The following LUZP2 variants were observed in gnomAD, a reference collection of about 807,000 sequenced individuals.
LUZP2 encodes leucine zipper protein 2.
Under a neutral mutation model 51.6 loss-of-function variants are expected in LUZP2, and 52 were observed. That is an observed-to-expected ratio of 1.01 (90% CI 0.81 to 1.27). The LOEUF is 1.27. Ranked by LOEUF, LUZP2 falls within the 50% of genes most tolerant of loss-of-function variation. The pLI is 0.00. For synonymous variants in LUZP2, 154 were observed against 137.3 expected, an observed-to-expected ratio of 1.12 and a Z score of -0.85; for missense variants, 436 against 395.4, an observed-to-expected ratio of 1.10 and a Z score of -0.87.
At chr11:24,708,305 T>C (rs1379498797) in intron 1 of LUZP2, among the ~76,000 whole-genome samples, 2 of 152,204 alleles carry the variant, frequency 1.3e-5, no homozygotes, top group Non-Finnish European at 1.5e-5. Context: ...TCAATGATAA[T>C]GCTTTATCAG....
At chr11:24,930,965 G>A (rs1854427136) in intron 7 of LUZP2, among the ~76,000 whole-genome samples, 1 of 151,992 alleles carries the variant, frequency 6.6e-6, no homozygotes, top group African/African-American at 2.4e-5. Flanking sequence ...TGTAATCCCA[G>A]CACTTTGGGA....
intron 5 of LUZP2, among the ~76,000 whole-genome samples, chr11:24,864,478 C>T (rs1486676): frequency 0.99 from 151,092 of 152,330 alleles, 74,938 homozygotes; most frequent in Middle Eastern, 1. Flanking sequence ...AGATTTGTTT[C>T]TAAGTTAATC....
At chr11:24,653,183 G>C (rs1855685971) in intron 1 of LUZP2, among the ~76,000 whole-genome samples, 1 of 152,140 alleles carries the variant, frequency 6.6e-6, no homozygotes, top group Non-Finnish European at 1.5e-5. Flanking sequence ...CAATATGACA[G>C]GCAAGAATAG....
chr11:24,927,639 T>C (rs975163689), intron 7 of LUZP2, among the ~76,000 whole-genome samples: 3 of 152,284 alleles, frequency 2.0e-5, no homozygotes, highest in African/African-American at 4.8e-5. Flanking sequence ...TTGGTGACTA[T>C]GGCCTTAGAG....
chr11:24,598,410 T>A (rs941567705), intron 1 of LUZP2, among the ~76,000 whole-genome samples: 5 of 152,090 alleles, frequency 3.3e-5, no homozygotes, highest in Non-Finnish European at 5.9e-5. Flanking sequence ...GTAGGAGAGT[T>A]TCCTAAAAGT....
At chr11:24,930,074 G>A (rs1377041062) in intron 7 of LUZP2, among the ~76,000 whole-genome samples, 1 of 152,124 alleles carries the variant, frequency 6.6e-6, no homozygotes, top group Non-Finnish European at 1.5e-5. Context: ...GTGTTCATTT[G>A]CATGAAATGT....
intron 1 of LUZP2, among the ~76,000 whole-genome samples, chr11:24,703,222 A>G (rs1264148659): frequency 6.6e-6 from 1 of 152,148 alleles, no homozygotes; most frequent in East Asian, 1.9e-4. Flanking sequence ...CCTCTGTATC[A>G]GTTAATAAGC....
chr11:25,050,385 TCCG>T (rs1431304901), intron 10 of LUZP2, among the ~76,000 whole-genome samples: 19 of 133,280 alleles, frequency 1.4e-4, no homozygotes, highest in East Asian at 4.9e-4. Context: ...CACTGCAAGC[TCCG>T]CCGCCTCCCG....
At chr11:24,661,174 A>G (rs1031248987) in intron 1 of LUZP2, among the ~76,000 whole-genome samples, 3 of 151,940 alleles carry the variant, frequency 2.0e-5, no homozygotes, top group African/African-American at 7.2e-5. Flanking sequence ...TTGAAACTTC[A>G]TGCTCTAATA....
chr11:24,617,105 T>C (rs1007696296), intron 1 of LUZP2, among the ~76,000 whole-genome samples: 3 of 152,226 alleles, frequency 2.0e-5, no homozygotes, highest in African/African-American at 7.2e-5. Context: ...AGATGTTTCA[T>C]CATATGCTCA....
chr11:24,864,835 T>C (rs189598540), intron 5 of LUZP2, among the ~76,000 whole-genome samples: 13 of 152,276 alleles, frequency 8.5e-5, no homozygotes, highest in African/African-American at 2.9e-4. Context: ...AATCTAAAAC[T>C]GGAGCTGCTT....
intron 1 of LUZP2, among the ~76,000 whole-genome samples, chr11:24,619,640 C>T (rs1005436816): frequency 6.6e-5 from 10 of 152,052 alleles, no homozygotes; most frequent in African/African-American, 9.7e-5. Context: ...GTTCCAGTAC[C>T]TTCCACAGAA....
chr11:24,974,998 G>C (rs1488089790), intron 7 of LUZP2, among the ~76,000 whole-genome samples: 1 of 152,018 alleles, frequency 6.6e-6, no homozygotes, highest in Non-Finnish European at 1.5e-5. Flanking sequence ...TGACTCTAGA[G>C]ATCCACCAGC....
intron 5 of LUZP2, among the ~76,000 whole-genome samples, chr11:24,794,423 CA>C (rs1590540687): frequency 1.3e-5 from 2 of 152,164 alleles, no homozygotes; most frequent in African/African-American, 4.8e-5. Flanking sequence ...TGGTGTCCAA[CA>C]GTGCGTATTT....
rs1277388215 is a variant in LUZP2 at position 24,922,825 on chromosome 11, C to CTTTTTTTT, written c.522+8291_522+8298dup. Among the ~76,000 whole-genome samples, 8 of 44,622 alleles carry CTTTTTTTT rather than the reference C, an allele frequency of 1.8e-4. 1 individual carries two copies. Among genetic ancestry groups the CTTTTTTTT allele is most frequent in the African/African-American group, 2.7e-4 (6 of 21,928 alleles). The allele number at this position is 44,622 out of a possible 152,430, so 29.3% of individuals were successfully genotyped here. The stretch of plus-strand genomic sequence containing the variant: ...GGACTACCAAGTGGCACAGTTATAT[C>CTTTTTTTT]TTTTTTTTTTTCTTTTTTTTTTTTT... On this transcript the variant is annotated intron_variant, in intron 7 of 11. Transcript: ENST00000336930.
At chr11:24,585,087 G>C (rs1286976387) in intron 1 of LUZP2, among the ~76,000 whole-genome samples, 3 of 152,134 alleles carry the variant, frequency 2.0e-5, no homozygotes, top group Admixed American at 6.5e-5. Context: ...TCTGTCTTCA[G>C]CACCTACATG....
chr11:24,848,500 C>T (rs1325225904), intron 5 of LUZP2, among the ~76,000 whole-genome samples: 1 of 152,126 alleles, frequency 6.6e-6, no homozygotes, highest in Non-Finnish European at 1.5e-5. Context: ...TCTTAGCTGC[C>T]AGTTTGCTAC....
chr11:24,556,231 T>C (rs189993627), intron 1 of LUZP2, among the ~76,000 whole-genome samples: 3 of 152,320 alleles, frequency 2.0e-5, no homozygotes, highest in Admixed American at 1.3e-4. Context: ...TCATTGTATA[T>C]ATGTTTTTAT....
At chr11:24,702,560 C>T (rs1857449080) in intron 1 of LUZP2, among the ~76,000 whole-genome samples, 1 of 152,068 alleles carries the variant, frequency 6.6e-6, no homozygotes, top group African/African-American at 2.4e-5. Flanking sequence ...GAGCAGGAAC[C>T]AGAGACAGAA....
Sources: allele counts gnomAD v4.1 joint callset (sites outside exome capture counted in the v4.1 genomes callset), GRCh38; gene constraint gnomAD v4.1.1; transcripts MANE v1.5; gene names NCBI Gene and HGNC (gene_info 2026-07-23, HGNC 2026-07-21).